Variants in AHI1 observed in about 807,000 individuals in gnomAD.
The protein encoded by AHI1 is jouberin.
In AHI1, 123 loss-of-function variants were observed where a neutral mutation model predicts 149.3. The ratio of observed to expected loss-of-function variants is 0.82; its 90% confidence interval spans 0.71 to 0.96. The LOEUF is 0.96. Ranked by LOEUF, AHI1 falls within the 40% of genes least tolerant of loss-of-function variation. The pLI is 0.00. For synonymous variants in AHI1, 475 were observed against 459.8 expected (o/e 1.03, Z -0.42); for missense variants, 1,439 against 1,422.7 (o/e 1.01, Z -0.18).
chr6:135,470,960 T>A (rs1312381476), intron 5 of AHI1, among the ~76,000 whole-genome samples: 2 of 152,206 alleles, frequency 1.3e-5, no homozygotes, highest in Non-Finnish European at 2.9e-5. Context: ...CAGAATCTTC[T>A]TTTTGTTTTT....
intron 23 of AHI1, among the ~76,000 whole-genome samples, chr6:135,364,867 C>CAGAGGGAGACCGTGGAAAGAGAGGG: frequency 6.6e-6 from 1 of 152,030 alleles, no homozygotes; most frequent in South Asian, 2.1e-4. Flanking sequence ...GGCTTGGCAT[C>CAGAGGGAGACCGTGGAAAGAGAGGG]AGAGGGAGAC....
chr6:135,406,650 CT>C (rs1157661668), intron 21 of AHI1, among the ~76,000 whole-genome samples: 2 of 152,016 alleles, frequency 1.3e-5, no homozygotes, highest in Non-Finnish European at 2.9e-5. Flanking sequence ...GAAAATTAAT[CT>C]TTTTTCAAAA....
intron 20 of AHI1, among the ~76,000 whole-genome samples, chr6:135,419,982 T>C (rs1461328084): frequency 6.6e-6 from 1 of 152,160 alleles, no homozygotes; most frequent in Non-Finnish European, 1.5e-5. Context: ...CTCAAGAATC[T>C]ACTTTCTTTG....
intron 23 of AHI1, among the ~76,000 whole-genome samples, chr6:135,369,216 T>C (rs1774662896): frequency 6.6e-6 from 1 of 152,218 alleles, no homozygotes; most frequent in Admixed American, 6.5e-5. Context: ...AGGATGTGTG[T>C]TCAGGGGTGG....
At chr6:135,357,678 T>C (rs1417472755) in intron 24 of AHI1, among the ~76,000 whole-genome samples, 1 of 152,248 alleles carries the variant, frequency 6.6e-6, no homozygotes, top group Non-Finnish European at 1.5e-5. Flanking sequence ...ATTCAGAGAC[T>C]AAAAGGGAAA....
At chr6:135,323,833 T>A (rs756802743) in intron 24 of AHI1, among the ~76,000 whole-genome samples, 1 of 152,252 alleles carries the variant, frequency 6.6e-6, no homozygotes, top group Non-Finnish European at 1.5e-5. Flanking sequence ...TATTTTTTGA[T>A]GTTTTATATC....
chr6:135,410,560 T>C (rs1392394003), intron 21 of AHI1, among the ~76,000 whole-genome samples: 1 of 152,264 alleles, frequency 6.6e-6, no homozygotes, highest in East Asian at 1.9e-4. Context: ...TTCTGTATTC[T>C]TGCGTGCTTC....
intron 11 of AHI1, among the ~76,000 whole-genome samples, chr6:135,451,770 A>G (rs1788143436): frequency 6.6e-6 from 1 of 152,198 alleles, no homozygotes; most frequent in Non-Finnish European, 1.5e-5. Flanking sequence ...CACAAATCTT[A>G]GCATAAAAGA....
chr6:135,428,593 T>TC, intron 19 of AHI1, 36 bp downstream of exon 19: 1 of 1,578,586 alleles, frequency 6.3e-7, no homozygotes, highest in Non-Finnish European at 8.6e-7. Flanking sequence ...CCCCTGTACC[T>TC]CCCCAAATGA....
At chr6:135,382,149 T>C (rs1340334255) in intron 23 of AHI1, among the ~76,000 whole-genome samples, 1 of 152,192 alleles carries the variant, frequency 6.6e-6, no homozygotes, top group Non-Finnish European at 1.5e-5. Flanking sequence ...ACTTTTTACT[T>C]ATTAACCATT....
rs1204757412 is a variant in AHI1 at position 135,405,722 on chromosome 6, T to C, written c.2962-745A>G. ...TAAAAATACAAAAATCAGCTAGGCG[T>C]TGTGGCGCGTACCTGTAGTCCCAGC... On this transcript the variant is annotated intron_variant, in intron 21 of 28. Transcript: ENST00000265602. 2.7e-5 allele frequency among the ~76,000 whole-genome samples: 4 copies of C among 150,866 alleles called. No individual in the cohort carries two copies. The East Asian group carries it at 7.7e-4, about 29-fold the overall frequency.
intron 23 of AHI1, among the ~76,000 whole-genome samples, chr6:135,361,787 C>G (rs537470644): frequency 2.7e-5 from 4 of 150,484 alleles, no homozygotes; most frequent in Admixed American, 6.6e-5. Context: ...TATATGTATA[C>G]GTGTATGTGT....
intron 24 of AHI1, among the ~76,000 whole-genome samples, chr6:135,350,499 A>G (rs2128424253): frequency 6.6e-6 from 1 of 152,284 alleles, no homozygotes; most frequent in East Asian, 1.9e-4. Context: ...GAAGGCCTAT[A>G]AGTAGTGGTG....
In AHI1 at chr6:135,422,048, T is replaced by G. The variant is rs892642664; in HGVS notation, c.2764+5119A>C. Among the ~76,000 whole-genome samples, 13 of 152,194 alleles carry G rather than the reference T, an allele frequency of 8.5e-5. No individual in the cohort carries two copies. The South Asian group carries it at 2.3e-3, about 27-fold the overall frequency. ...AGAACGTAGAAAACAAATGTATTTC[T>G]ACATTTGTAGATGTATCGTATGTAC... On this transcript the variant is annotated intron_variant, in intron 20 of 28. Coordinates refer to ENST00000265602, the MANE Select transcript of AHI1 (RefSeq NM_001134831.2).
At chr6:135,376,921 A>AAAAAAAAAAAAAAAG (rs1776025303) in intron 23 of AHI1, among the ~76,000 whole-genome samples, 1 of 128,688 alleles carries the variant, frequency 7.8e-6, no homozygotes, top group African/African-American at 2.9e-5. Flanking sequence ...AAAAAAAAAA[A>AAAAAAAAAAAAAAAG]GTTGGTCCAG....
intron 2 of AHI1, among the ~76,000 whole-genome samples, chr6:135,496,929 A>G (rs952998938): frequency 6.6e-6 from 1 of 152,262 alleles, no homozygotes; most frequent in South Asian, 2.1e-4. Flanking sequence ...CAGAGTACTC[A>G]TAAGAAGCAA....
chr6:135,482,564 TAC>T (rs1210067648), intron 5 of AHI1, among the ~76,000 whole-genome samples: 7 of 152,140 alleles, frequency 4.6e-5, no homozygotes, highest in African/African-American at 9.7e-5. Flanking sequence ...GCTAATTGCA[TAC>T]AGTCAATTTA....
chr6:135,345,389 T>C (rs1209359613), intron 24 of AHI1, among the ~76,000 whole-genome samples: 1 of 152,176 alleles, frequency 6.6e-6, no homozygotes, highest in Non-Finnish European at 1.5e-5. Flanking sequence ...CACAGAGTAA[T>C]ATTCATGGTA....
At position 135,376,881 on chromosome 6, in the gene AHI1, C is replaced by CAAAAAAA. The variant is rs1167083326; in HGVS notation, c.3109+17888_3109+17894dup. On this transcript the variant is annotated intron_variant, in intron 23 of 28. Transcript: ENST00000265602. ...TCGGTGACAGAGCGAGACTCCATCT[C>CAAAAAAA]AAAAAAAAAAAAAAAAAAAAAAAAA... 9.9e-4 allele frequency among the ~76,000 whole-genome samples: 29 copies of CAAAAAAA among 29,440 alleles called. 7 individuals are homozygous for CAAAAAAA. Among genetic ancestry groups the CAAAAAAA allele is most frequent in the African/African-American group, 4.5e-3 (28 of 6,242 alleles). 19.3% of individuals were successfully genotyped at this position (29,440 alleles called of 152,430 possible).
Sources: gnomAD v4.1 joint callset for allele counts (sites outside exome capture counted in the v4.1 genomes callset) on GRCh38, gnomAD v4.1.1 for gene constraint, MANE v1.5 for transcripts, NCBI Gene and HGNC (gene_info 2026-07-23, HGNC 2026-07-21) for gene names.